The following C1orf159 variants were observed in gnomAD, a reference collection of about 807,000 sequenced individuals.
C1orf159 encodes the protein chromosome 1 open reading frame 159, also known as uncharacterized protein C1orf159.
In C1orf159, 19 loss-of-function variants were observed where a neutral mutation model predicts 25.6. The ratio of observed to expected loss-of-function variants is 0.74; its 90% confidence interval spans 0.52 to 1.09. C1orf159 has a LOEUF of 1.09. Ranked by LOEUF, C1orf159 falls within the 50% of genes least tolerant of loss-of-function variation. The probability of loss-of-function intolerance (pLI) is 0.00; values close to 1 mark genes in which losing one functional copy is unlikely to be tolerated. For missense variants in C1orf159, 274 were observed against 290.6 expected, an observed-to-expected ratio of 0.94 and a Z score of 0.42; for synonymous variants, 139 against 124.7, an observed-to-expected ratio of 1.12 and a Z score of -0.77.
intron 1 of C1orf159, 142 bp from the exon 2 acceptor site, chr1:1,092,245 GGAGGGGCTGTCTCCACGA>G (rs548826746): frequency 1.7e-3 from 466 of 271,834 alleles, no homozygotes; most frequent in Non-Finnish European, 2.9e-3. Context: ...AGGGCGTCCT[GGAGGGGCTGTCTCCACGA>G]GTGTTTCCCC....
chr1:1,092,759 G>A (rs1645959651), intron 1 of C1orf159: 1 of 152,450 alleles, frequency 6.6e-6, no homozygotes, highest in Non-Finnish European at 1.5e-5. Flanking sequence ...CTGGATTCAG[G>A]TCATGGCCTC....
intron 7 of C1orf159, among the ~76,000 whole-genome samples, chr1:1,085,479 C>G (rs574127065): frequency 6.6e-6 from 1 of 152,184 alleles, no homozygotes; most frequent in Non-Finnish European, 1.5e-5. Context: ...ACCAGCCTGG[C>G]CAGCCCTGAC....
intron 1 of C1orf159, among the ~76,000 whole-genome samples, chr1:1,099,557 G>A (rs1353709348): frequency 2.2e-4 from 33 of 151,590 alleles, no homozygotes; most frequent in African/African-American, 8.0e-4. Flanking sequence ...AATGGAGAGA[G>A]AGAGGTTAAA....
chr1:1,091,681 G>A (rs1427919606), intron 2 of C1orf159, 116 bp from the exon 3 acceptor site: 3 of 699,864 alleles, frequency 4.3e-6, no homozygotes, highest in Non-Finnish European at 7.4e-6. Flanking sequence ...CCAAGGCAAG[G>A]AGGGCAGAGC....
At chr1:1,108,747 T>C (rs1472460754) in intron 1 of C1orf159, among the ~76,000 whole-genome samples, 15 of 40,640 alleles carry the variant, frequency 3.7e-4, no homozygotes, top group Non-Finnish European at 6.7e-4. Flanking sequence ...ACAGCCACCA[T>C]GTCTCGGCAG....
rs1354316260 is a variant in C1orf159 at position 1,087,312 on chromosome 1, G to C, written c.245-108C>G. ...CGGAAATATGAAAGCGAGGGGCTGA[G>C]GGGGCGGAGCAGCCCTCACCACAGA... On this transcript the variant is annotated intron_variant, in intron 5 of 9. Transcript: ENST00000421241. The surrounding 1 kb of genome is among the most constrained non-coding windows in gnomAD (Gnocchi z 8.3). 1.6e-6 allele frequency: 2 copies of C among 1,274,300 alleles called. No homozygotes were observed. The highest frequency in any genetic ancestry group is 1.9e-4 in the Middle Eastern group (1 of 5,234). The allele number at this position is 1,274,300 out of a possible 1,614,324, so 78.9% of individuals were successfully genotyped here.
Position 1,087,693 on chromosome 1 carries a change from T to G in C1orf159, c.149-96A>C. The G allele has an allele frequency of 1.1e-6, 1 of 936,726 alleles. No individual in the cohort carries two copies. The highest frequency in any genetic ancestry group is 1.6e-6 in the Non-Finnish European group (1 of 623,056). The allele number at this position is 936,726 out of a possible 1,614,324, so 58.0% of individuals were successfully genotyped here. A position where few individuals can be genotyped will look rare whatever the true frequency, so the allele number is the denominator to read the frequency against. On this transcript the variant is annotated intron_variant, in intron 4 of 9. Coordinates refer to ENST00000421241, the MANE Select transcript of C1orf159 (RefSeq NM_017891.5). The surrounding 1 kb of genome is among the most constrained non-coding windows in gnomAD (Gnocchi z 8.3). ...TCTCTATTTGAGTTGGTGAGATAAC[T>G]TTCATTCCAGATACTAACATGCTCT...
In C1orf159 at chr1:1,104,985, G is replaced by A. The variant is rs141322389; in HGVS notation, c.-136+11075C>T. 9.3e-4 allele frequency among the ~76,000 whole-genome samples: 141 copies of A among 152,274 alleles called. 3 individuals are homozygous for A. The East Asian group carries it at 0.024, about 25-fold the overall frequency. On this transcript the variant is annotated intron_variant, in intron 1 of 9. Transcript: ENST00000421241. ...ACTTGCCACATGCCAGACACCACGCGAAGGGATTTATACACACAAACTGAT... is the reference window on the plus strand; with the variant it reads ...ACTTGCCACATGCCAGACACCACGCAAAGGGATTTATACACACAAACTGAT...
At chr1:1,115,672 G>C (rs1376482719) in intron 1 of C1orf159, among the ~76,000 whole-genome samples, 1 of 75,492 alleles carries the variant, frequency 1.3e-5, no homozygotes, top group Non-Finnish European at 2.7e-5. Context: ...CCTGCCCCGG[G>C]AACCTTTCCC....
chr1:1,084,933 C>T (rs370569100), intron 7 of C1orf159, among the ~76,000 whole-genome samples: 2 of 152,156 alleles, frequency 1.3e-5, no homozygotes, highest in East Asian at 1.9e-4. Context: ...CTTCTGCCTC[C>T]ATGGTGCCCC....
At chr1:1,090,999 G>T in intron 3 of C1orf159, 16 of 1,539,988 alleles carry the variant, frequency 1.0e-5, no homozygotes, top group Non-Finnish European at 1.4e-5. Flanking sequence ...TGCAGTGAAC[G>T]GTGAGGGCGT....
At chr1:1,111,935 C>T (rs1646262017) in intron 1 of C1orf159, among the ~76,000 whole-genome samples, 1 of 152,218 alleles carries the variant, frequency 6.6e-6, no homozygotes, top group East Asian at 1.9e-4. Flanking sequence ...AAAACAAATA[C>T]CGCAAACCCC....
Position 1,087,556 on chromosome 1 carries a change from C to T in C1orf159, c.190G>A (p.Val64Ile), listed in dbSNP as rs1316540495. ...RWNADGSASCVRCGNGTLPAY... is the reference protein window; with the variant it reads ...RWNADGSASCIRCGNGTLPAY... ...GGGAGGGTTCCGTTCCCACAGCGGA[C>T]GCAGCTGGCGCTCCCGTCCGCGTTC... Residue 64 changes from valine to isoleucine, a missense_variant, in exon 5 of 10, where the codon GTC (valine) becomes ATC (isoleucine). Coordinates refer to ENST00000421241, the MANE Select transcript of C1orf159 (RefSeq NM_017891.5). The surrounding 1 kb of genome is among the most constrained non-coding windows in gnomAD (Gnocchi z 8.3). 30 of 1,548,992 alleles carry T rather than the reference C, an allele frequency of 1.9e-5. No individual in the cohort carries two copies. The highest frequency in any genetic ancestry group is 1.7e-4 in the Middle Eastern group (1 of 6,008).
intron 1 of C1orf159, among the ~76,000 whole-genome samples, chr1:1,102,071 C>CAAA (rs1237729417): frequency 5.8e-4 from 23 of 39,796 alleles, no homozygotes; most frequent in Non-Finnish European, 7.8e-4. Flanking sequence ...AACTCTGTCT[C>CAAA]AAAAAAAAAA....
At chr1:1,088,075 C>A (rs1161087045) in intron 4 of C1orf159, among the ~76,000 whole-genome samples, 1 of 151,610 alleles carries the variant, frequency 6.6e-6, no homozygotes, top group South Asian at 2.1e-4. Flanking sequence ...AGGCTGGGCC[C>A]GGCTTCCACC....
chr1:1,113,760 T>C (rs1002113217), intron 1 of C1orf159, among the ~76,000 whole-genome samples: 2 of 152,176 alleles, frequency 1.3e-5, no homozygotes, highest in Non-Finnish European at 1.5e-5. Flanking sequence ...AGTTTGACCT[T>C]TGACTTAGGG....
At position 1,089,152 on chromosome 1, in the gene C1orf159, C is replaced by G. The variant is rs1645885212; in HGVS notation, c.148+1201G>C. Among the ~76,000 whole-genome samples the G allele has an allele frequency of 6.6e-6, 1 of 152,282 alleles. No homozygotes were observed. The highest frequency in any genetic ancestry group is 2.4e-5 in the African/African-American group (1 of 41,558). ...GGGAAGCGTATCCAACACCGCAGGC[C>G]CGGCCCCTCCCCACGCGCGCCAGAC... On this transcript the variant is annotated intron_variant, in intron 4 of 9. Transcript: ENST00000421241. The surrounding 1 kb of genome is among the most constrained non-coding windows in gnomAD (Gnocchi z 7.5).
chr1:1,101,527 T>C (rs965731423), intron 1 of C1orf159, among the ~76,000 whole-genome samples: 1 of 152,072 alleles, frequency 6.6e-6, no homozygotes, highest in South Asian at 2.1e-4. Flanking sequence ...TATCAGCTCA[T>C]GGTCTATCAG....
chr1:1,098,361 G>A (rs544715962), intron 1 of C1orf159, among the ~76,000 whole-genome samples: 102 of 152,282 alleles, frequency 6.7e-4, no homozygotes, highest in South Asian at 5.6e-3. Context: ...GAGCCACTGC[G>A]CCTGGCCCCA....
Sources: gnomAD v4.1 joint callset for allele counts (sites outside exome capture counted in the v4.1 genomes callset) on GRCh38, gnomAD v4.1.1 for gene constraint, Gnocchi (gnomAD v3.1) non-coding constraint, MANE v1.5 for transcripts, NCBI Gene and HGNC (gene_info 2026-07-23, HGNC 2026-07-21) for gene names.